Variants in ASXL2 observed in about 807,000 individuals in gnomAD.
ASXL2 encodes putative Polycomb group protein ASXL2.
Under a neutral mutation model 122.0 loss-of-function variants are expected in ASXL2, and 23 were observed. That is an observed-to-expected ratio of 0.19 (90% CI 0.14 to 0.27). The LOEUF (loss-of-function observed/expected upper bound fraction) is 0.27, where lower values mean the gene tolerates loss of function less well. ASXL2 is among the 10% of genes least tolerant of loss of function. The pLI, the probability that ASXL2 is intolerant of heterozygous loss-of-function variation, is 1.00. For missense variants in ASXL2, 1,518 were observed against 1,713.8 expected (o/e 0.89, Z 2.02); for synonymous variants, 650 against 637.0 (o/e 1.02, Z -0.31).
intron 1 of ASXL2, among the ~76,000 whole-genome samples, chr2:25,864,428 A>G (rs2089875668): frequency 6.6e-6 from 1 of 152,182 alleles, no homozygotes; most frequent in Admixed American, 6.5e-5. Context: ...AGGCACAGGA[A>G]TTGGAAATGG....
Position 25,742,224 on chromosome 2 carries a change from T to C in ASXL2, c.4113A>G (p.Gln1371=). The change falls in exon 13 of 13, where the codon CAA becomes CAG. Residue 1371 remains glutamine (Q), a synonymous_variant. Transcript: ENST00000435504. Reference sequence around the variant, plus strand: ...GGCCATGGCTGCTGGGATTCATAGCTTGGCTAGCAGGGATGGTAGTGACAG... The same window carrying C: ...GGCCATGGCTGCTGGGATTCATAGCCTGGCTAGCAGGGATGGTAGTGACAG... ...SVTVTTIPAS[Q]AMNPSSHGQT... is the part of the protein sequence containing the mutation. The C allele has an allele frequency of 3.7e-6, 6 of 1,613,998 alleles. No individual in the cohort carries two copies. The highest frequency in any genetic ancestry group is 5.1e-6 in the Non-Finnish European group (6 of 1,179,878).
chr2:25,788,591 A>T (rs973296819), intron 5 of ASXL2, among the ~76,000 whole-genome samples: 1 of 152,158 alleles, frequency 6.6e-6, no homozygotes, highest in Non-Finnish European at 1.5e-5. Flanking sequence ...ATTTCACATG[A>T]TCACTAGCAG....
chr2:25,763,006 T>C (rs561604040), intron 8 of ASXL2, among the ~76,000 whole-genome samples: 3 of 152,314 alleles, frequency 2.0e-5, no homozygotes, highest in Admixed American at 6.5e-5. Context: ...TAAATAAATA[T>C]TCAATCCATC....
chr2:25,809,642 CA>C (rs1261526551), intron 3 of ASXL2, among the ~76,000 whole-genome samples: 1 of 152,036 alleles, frequency 6.6e-6, no homozygotes. Flanking sequence ...TATAAAACAA[CA>C]AAAAAGGTAT....
intron 5 of ASXL2, among the ~76,000 whole-genome samples, chr2:25,782,979 A>G (rs1188095696): frequency 6.6e-6 from 1 of 151,850 alleles, no homozygotes; most frequent in East Asian, 1.9e-4. Flanking sequence ...AATACAAAAA[A>G]TTAGCCGGGC....
intron 5 of ASXL2, among the ~76,000 whole-genome samples, chr2:25,782,002 GCTA>G (rs2088649585): frequency 8.4e-6 from 1 of 118,728 alleles, no homozygotes. Flanking sequence ...ACAGAGTCTC[GCTA>G]TGTTTGTCCA....
rs1334686946 is a variant in ASXL2 at position 25,737,068 on chromosome 2, A to C, written c.*4961T>G. On this transcript the variant is annotated 3_prime_UTR_variant, in exon 13 of 13. Transcript: ENST00000435504. ...CCCTTCCTGACCCAGAGGAGTTCAA[A>C]ATTCAAGTGTCAAATGCTGAAATAG... is the stretch of plus-strand genomic sequence containing the variant. 6.6e-6 allele frequency: 1 copy of C among 152,096 alleles called. No individual in the cohort carries two copies. Among genetic ancestry groups the C allele is most frequent in the Non-Finnish European group, 1.5e-5 (1 of 68,016 alleles). The allele number at this position is 152,096 out of a possible 1,614,324, so 9.4% of individuals were successfully genotyped here.
At chr2:25,813,587 A>ATAAATTATGGGTAAG (rs2089198465) in intron 3 of ASXL2, among the ~76,000 whole-genome samples, 1 of 152,214 alleles carries the variant, frequency 6.6e-6, no homozygotes. Context: ...AGAGACTGTA[A>ATAAATTATGGGTAAG]AGTGTGTACA....
Position 25,740,507 on chromosome 2 carries a change from T to A in ASXL2, c.*1522A>T, listed in dbSNP as rs1363623891. ...AAATCAATATGCAAATGATGCAAAT[T>A]GACACTCCCCCATTTAATACAAAAT... On this transcript the variant is annotated 3_prime_UTR_variant, in exon 13 of 13. Coordinates refer to ENST00000435504, the MANE Select transcript of ASXL2 (RefSeq NM_018263.6). 1 of 228,430 alleles carries A rather than the reference T, an allele frequency of 4.4e-6. No homozygotes were observed. Among genetic ancestry groups the A allele is most frequent in the Non-Finnish European group, 8.7e-6 (1 of 115,232 alleles). 14.2% of individuals were successfully genotyped at this position (228,430 alleles called of 1,614,324 possible).
At chr2:25,773,622 C>T (rs1306923435) in intron 5 of ASXL2, among the ~76,000 whole-genome samples, 76 of 149,456 alleles carry the variant, frequency 5.1e-4, no homozygotes, top group African/African-American at 1.8e-3. Context: ...GCCGAGATTA[C>T]GCCACTGCAC....
intron 5 of ASXL2, among the ~76,000 whole-genome samples, chr2:25,795,620 T>C (rs767396046): frequency 5.9e-5 from 9 of 152,190 alleles, no homozygotes; most frequent in African/African-American, 9.6e-5. Flanking sequence ...TTCTTTAATA[T>C]TGATTTCCCT....
intron 3 of ASXL2, chr2:25,810,519 C>A: frequency 1.3e-6 from 1 of 745,522 alleles, no homozygotes; most frequent in South Asian, 1.4e-5. Context: ...CCACCTCAGC[C>A]TCAGCCTGTT....
intron 3 of ASXL2, among the ~76,000 whole-genome samples, chr2:25,814,629 A>G (rs533008175): frequency 6.6e-6 from 1 of 152,236 alleles, no homozygotes; most frequent in Non-Finnish European, 1.5e-5. Context: ...TTATGCGGTG[A>G]GCATGTAAGC....
chr2:25,742,012 A>C lies in ASXL2; in HGVS notation c.*17T>G. 1 of 1,600,116 alleles carries C rather than the reference A, an allele frequency of 6.2e-7. No individual in the cohort carries two copies. Among genetic ancestry groups the C allele is most frequent in the Non-Finnish European group, 8.5e-7 (1 of 1,170,980 alleles). The stretch of plus-strand genomic sequence containing the variant: ...TTCCCTTCCCCCTCCTTTACAGTGT[A>C]TCTCTTTCTAGTCTCATTACCGAAC... On this transcript the variant is annotated 3_prime_UTR_variant, in exon 13 of 13. Transcript: ENST00000435504.
intron 3 of ASXL2, chr2:25,822,906 G>A: frequency 3.7e-6 from 2 of 542,710 alleles, no homozygotes; most frequent in South Asian, 1.4e-5. Flanking sequence ...AGCAGGTGAT[G>A]ATTCACAAGA....
At chr2:25,787,421 G>A (rs548836395) in intron 5 of ASXL2, among the ~76,000 whole-genome samples, 7 of 152,298 alleles carry the variant, frequency 4.6e-5, no homozygotes, top group Admixed American at 3.3e-4. Flanking sequence ...AAGCTGACAC[G>A]AAAAGTATGC....
intron 5 of ASXL2, among the ~76,000 whole-genome samples, chr2:25,793,498 G>A (rs1005085071): frequency 1.3e-4 from 20 of 152,132 alleles, no homozygotes; most frequent in African/African-American, 4.3e-4. Context: ...AATAATCTCT[G>A]ACTTAAATTT....
intron 3 of ASXL2, among the ~76,000 whole-genome samples, chr2:25,819,387 C>A (rs188221386): frequency 5.9e-4 from 89 of 152,122 alleles, no homozygotes; most frequent in African/African-American, 2.1e-3. Flanking sequence ...ATCTTCACCC[C>A]AAAATACTTA....
intron 5 of ASXL2, among the ~76,000 whole-genome samples, chr2:25,799,043 G>A (rs1021900802): frequency 2.0e-5 from 3 of 152,142 alleles, no homozygotes; most frequent in Non-Finnish European, 4.4e-5. Context: ...TGTGCATGTG[G>A]CGGGGGAGGG....
Sources: gnomAD v4.1 joint callset for allele counts (sites outside exome capture counted in the v4.1 genomes callset) on GRCh38, gnomAD v4.1.1 for gene constraint, MANE v1.5 for transcripts, NCBI Gene and HGNC (gene_info 2026-07-23, HGNC 2026-07-21) for gene names.